Variants in TIMM17A observed in about 807,000 individuals in gnomAD.
TIMM17A encodes the protein translocase of inner mitochondrial membrane 17A, also known as mitochondrial import inner membrane translocase subunit Tim17-A.
TIMM17A carries 15 observed loss-of-function variants against 26.5 expected under a neutral mutation model. The ratio of observed to expected loss-of-function variants is 0.57; its 90% CI spans 0.38 to 0.87. The LOEUF (loss-of-function observed/expected upper bound fraction) is 0.87, where lower values mean the gene tolerates loss of function less well. Ranked by LOEUF, TIMM17A falls within the 40% of genes least tolerant of loss-of-function variation. The pLI is 0.00. For synonymous variants in TIMM17A, 80 were observed against 70.8 expected, an observed-to-expected ratio of 1.13 and a Z score of -0.66; for missense variants, 201 against 210.0, an observed-to-expected ratio of 0.96 and a Z score of 0.27.
intron 3 of TIMM17A, among the ~76,000 whole-genome samples, chr1:201,960,412 T>C (rs1177907889): frequency 6.7e-6 from 1 of 150,060 alleles, no homozygotes; most frequent in East Asian, 1.9e-4. Context: ...AAAAAAAAAA[T>C]AGTAATGTGT....
Position 201,957,278 on chromosome 1 carries a change from T to C in TIMM17A, c.27-3T>C. The C allele has an allele frequency of 6.3e-7, 1 of 1,596,502 alleles. No homozygotes were observed. The highest frequency in any genetic ancestry group is 1.3e-5 in the African/African-American group (1 of 74,544). ...ATGGTCTTTTTTTTCCCCCTGTTCT[T>C]AGCCCATGGCGAATTGTGGATGACT... On this transcript the variant is annotated splice_region_variant and splice_polypyrimidine_tract_variant and intron_variant, in intron 1 of 5. Coordinates refer to ENST00000367287, the MANE Select transcript of TIMM17A (RefSeq NM_006335.3).
intron 3 of TIMM17A, among the ~76,000 whole-genome samples, chr1:201,961,072 T>C (rs1278180956): frequency 2.0e-5 from 3 of 150,700 alleles, no homozygotes; most frequent in African/African-American, 7.4e-5. Context: ...TTTTCTTTTT[T>C]TTTTTTTTTT....
At position 201,969,576 on chromosome 1, in the gene TIMM17A, T is replaced by G. The variant is rs1682696124; in HGVS notation, c.*22T>G. The G allele has an allele frequency of 1.9e-6, 3 of 1,583,996 alleles. No homozygotes were observed. The highest frequency in any genetic ancestry group is 8.7e-7 in the Non-Finnish European group (1 of 1,154,092). Reference sequence around the variant, plus strand: ...GTAGGACTTCTTTCCTAGGATTTCTTTAACAGAACGAGTTGTGGTTCGAGA... The same window carrying G: ...GTAGGACTTCTTTCCTAGGATTTCTGTAACAGAACGAGTTGTGGTTCGAGA... On this transcript the variant is annotated 3_prime_UTR_variant, in exon 6 of 6. Coordinates refer to ENST00000367287, the MANE Select transcript of TIMM17A (RefSeq NM_006335.3).
rs773976523 is a variant in TIMM17A, at chr1:201,957,530, G to T, written c.146G>T (p.Arg49Leu). The T allele has an allele frequency of 6.2e-7, 1 of 1,613,648 alleles. No homozygotes were observed. The highest frequency in any genetic ancestry group is 1.3e-5 in the African/African-American group (1 of 74,882). Residue 49 changes from arginine (R) to leucine (L), a missense_variant, in exon 3 of 6, where the codon CGA becomes CTA. Coordinates refer to ENST00000367287, the MANE Select transcript of TIMM17A (RefSeq NM_006335.3). ...TTATAGGGAGTAAACCACAGACTAC[G>T]AGGGAGTTTGACAGCTATTAAAACC... ...NSPVGVNHRLRGSLTAIKTRA... is the reference protein window; with the variant it reads ...NSPVGVNHRLLGSLTAIKTRA...
intron 3 of TIMM17A, among the ~76,000 whole-genome samples, chr1:201,959,286 G>T (rs1302344985): frequency 6.6e-6 from 1 of 152,034 alleles, no homozygotes; most frequent in Non-Finnish European, 1.5e-5. Flanking sequence ...AACCCAGGAG[G>T]TGGAGTTTGC....
chr1:201,969,418 A>G, intron 5 of TIMM17A, 51 bp from the exon 6 acceptor site: 3 of 1,386,886 alleles, frequency 2.2e-6, no homozygotes, highest in Non-Finnish European at 3.1e-6. Flanking sequence ...GTTCTTTTTA[A>G]TAATATAATA....
intron 4 of TIMM17A, among the ~76,000 whole-genome samples, chr1:201,964,635 C>CTTTTTTTTTTTTTTTTTTTTTTTTT (rs570309464): frequency 1.1e-4 from 10 of 90,964 alleles, no homozygotes; most frequent in African/African-American, 1.5e-4. Context: ...TATTTTATTT[C>CTTTTTTTTTTTTTTTTTTTTTTTTT]TTTTTTTTTT....
At chr1:201,969,336 A>G in intron 5 of TIMM17A, 133 bp from the exon 6 acceptor site, 1 of 697,798 alleles carries the variant, frequency 1.4e-6, no homozygotes, top group Non-Finnish European at 2.4e-6. Flanking sequence ...AGATCTATAA[A>G]GAAATTTAGG....
chr1:201,969,129 A>G (rs1682688334), intron 5 of TIMM17A, among the ~76,000 whole-genome samples: 8 of 152,072 alleles, frequency 5.3e-5, no homozygotes, highest in Admixed American at 5.2e-4. Context: ...AGTGGGAGAA[A>G]CTCTTCTAAT....
intron 3 of TIMM17A, among the ~76,000 whole-genome samples, chr1:201,959,852 T>G (rs1429842224): frequency 6.6e-6 from 1 of 151,288 alleles, no homozygotes; most frequent in Admixed American, 6.6e-5. Flanking sequence ...ACAAAAAAAA[T>G]TAGCCGGGCA....
intron 4 of TIMM17A, among the ~76,000 whole-genome samples, chr1:201,964,667 G>T (rs1324169285): frequency 2.7e-5 from 1 of 36,768 alleles, no homozygotes; most frequent in African/African-American, 1.6e-4. Context: ...TTTTTTTTTT[G>T]AGACTGAGTC....
chr1:201,966,991 T>TTTGTGTGTGTG (rs572223784), intron 5 of TIMM17A, among the ~76,000 whole-genome samples: 4 of 133,100 alleles, frequency 3.0e-5, no homozygotes, highest in African/African-American at 8.4e-5. Context: ...ATTATATATG[T>TTTGTGTGTGTG]TGTGTGTGTG....
rs572223784 is a variant in TIMM17A at position 201,966,991 on chromosome 1, T to TTATGTGTG, written c.430+1449_430+1450insATGTGTGT. ...TTATATATGTTGTATATTATATATG[T>TTATGTGTG]TGTGTGTGTGTGTGTGTGTGTGTGT... On this transcript the variant is annotated intron_variant, in intron 5 of 5. Coordinates refer to ENST00000367287, the MANE Select transcript of TIMM17A (RefSeq NM_006335.3). Among the ~76,000 whole-genome samples, 789 of 133,096 alleles carry TTATGTGTG rather than the reference T, an allele frequency of 5.9e-3. 4 individuals are homozygous for TTATGTGTG. Among genetic ancestry groups the TTATGTGTG allele is most frequent in the African/African-American group, 0.01 (366 of 35,850 alleles). The allele number at this position is 133,096 out of a possible 152,430, so 87.3% of individuals were successfully genotyped here. A position where few individuals can be genotyped will look rare whatever the true frequency, so the allele number is the denominator to read the frequency against.
intron 3 of TIMM17A, chr1:201,957,811 T>TTC: frequency 2.2e-6 from 1 of 452,074 alleles, no homozygotes; most frequent in East Asian, 4.0e-5. Context: ...TTTTTTTTTT[T>TTC]TTTCCTTCTC....
chr1:201,959,499 C>A (rs1410487523), intron 3 of TIMM17A, among the ~76,000 whole-genome samples: 4 of 147,478 alleles, frequency 2.7e-5, no homozygotes, highest in South Asian at 2.2e-4. Flanking sequence ...ACTAAAAATA[C>A]AAAAATTAGC....
chr1:201,958,242 C>T (rs1043243805), intron 3 of TIMM17A, among the ~76,000 whole-genome samples: 1 of 152,134 alleles, frequency 6.6e-6, no homozygotes, highest in African/African-American at 2.4e-5. Context: ...GCAGGAGAAA[C>T]CCATCAAGCC....
intron 3 of TIMM17A, among the ~76,000 whole-genome samples, chr1:201,959,251 G>A (rs941399627): frequency 1.3e-5 from 2 of 152,204 alleles, no homozygotes; most frequent in African/African-American, 4.8e-5. Context: ...AGCTACTCAG[G>A]AGGCTGACGC....
In TIMM17A at chr1:201,957,336, G is replaced by T. The variant is rs752043591; in HGVS notation, c.82G>T (p.Gly28Cys). 1 of 1,613,870 alleles carries T rather than the reference G, an allele frequency of 6.2e-7. No individual in the cohort carries two copies. Among genetic ancestry groups the T allele is most frequent in the Admixed American group, 1.7e-5 (1 of 59,982 alleles). Residue 28 changes from glycine (G) to cysteine (C), a missense_variant, in exon 2 of 6, where the codon GGT becomes TGT. By Grantham distance (159) the Gly-to-Cys change is radical. Transcript: ENST00000367287. ...GGAFTMGTIG[G>C]GIFQAIKGFR... is the part of the protein sequence containing the mutation. ...GGCCTTTACGATGGGTACCATTGGT[G>T]GTGGTATCTTTCAAGCAATCAAAGG...
intron 5 of TIMM17A, among the ~76,000 whole-genome samples, chr1:201,966,977 GTATATTATA>G (rs1341401880): frequency 5.9e-4 from 55 of 93,356 alleles, no homozygotes; most frequent in Middle Eastern, 5.9e-3. Context: ...TATATATGTT[GTATATTATA>G]TATGTTGTGT....
Sources: allele counts gnomAD v4.1 joint callset (sites outside exome capture counted in the v4.1 genomes callset), GRCh38; gene constraint gnomAD v4.1.1; transcripts MANE v1.5; gene names NCBI Gene and HGNC (gene_info 2026-07-23, HGNC 2026-07-21).